The following MAPK10 variants were observed in gnomAD, a reference collection of about 807,000 sequenced individuals.
MAPK10 encodes the protein mitogen-activated protein kinase 10.
Under a neutral mutation model 59.3 loss-of-function variants are expected in MAPK10, and 25 were observed. The observed-to-expected ratio is 0.42, with a 90% CI of 0.31 to 0.59. The LOEUF (loss-of-function observed/expected upper bound fraction) is 0.59, where lower values mean the gene tolerates loss of function less well. Ranked by LOEUF, MAPK10 falls within the 20% of genes least tolerant of loss-of-function variation. The pLI is 0.15. For missense variants in MAPK10, 351 were observed against 568.9 expected (o/e 0.62, Z 3.90); for synonymous variants, 190 against 200.5 (o/e 0.95, Z 0.44).
chr4:86,276,305 T>C (rs1305030698), intron 2 of MAPK10, among the ~76,000 whole-genome samples: 1 of 152,098 alleles, frequency 6.6e-6, no homozygotes, highest in African/African-American at 2.4e-5. Context: ...TCAAATTAAT[T>C]TCACTCTTTT....
At chr4:86,481,572 G>A (rs897885374) in intron 1 of MAPK10, among the ~76,000 whole-genome samples, 1 of 152,014 alleles carries the variant, frequency 6.6e-6, no homozygotes, top group Non-Finnish European at 1.5e-5. Context: ...TCCATTATTT[G>A]AGTGTTGACC....
chr4:86,023,852 A>ATATATAT (rs1560633949), intron 13 of MAPK10: 3 of 98,486 alleles, frequency 3.0e-5, no homozygotes, highest in South Asian at 2.6e-4. Context: ...TATATATATA[A>ATATATAT]AATGAATGTT....
At chr4:86,409,062 T>C (rs1393206768) in intron 1 of MAPK10, among the ~76,000 whole-genome samples, 1 of 152,224 alleles carries the variant, frequency 6.6e-6, no homozygotes, top group African/African-American at 2.4e-5. Context: ...TTAATCCATC[T>C]TGAGTTAATT....
upstream of MAPK10, among the ~76,000 whole-genome samples, chr4:86,456,240 C>T (rs997640458): frequency 6.6e-6 from 1 of 152,010 alleles, no homozygotes; most frequent in African/African-American, 2.4e-5. Context: ...AAGGTCACAC[C>T]TCAAGGAACT....
chr4:86,145,959 T>C (rs933802771), intron 4 of MAPK10, among the ~76,000 whole-genome samples: 3 of 151,714 alleles, frequency 2.0e-5, no homozygotes, highest in African/African-American at 7.3e-5. Context: ...AGAAAAGGAG[T>C]CCGTCTAAGA....
chr4:86,370,691 T>C (rs1339829357), intron 1 of MAPK10: 7 of 152,152 alleles, frequency 4.6e-5, no homozygotes, highest in Admixed American at 3.9e-4. Flanking sequence ...GTAGAAAATA[T>C]GGATCTCAAA....
chr4:86,382,951 A>G (rs1288142767), intron 1 of MAPK10, among the ~76,000 whole-genome samples: 1 of 152,094 alleles, frequency 6.6e-6, no homozygotes, highest in Non-Finnish European at 1.5e-5. Flanking sequence ...ACCTCTCTTT[A>G]TTTTCCTCAT....
chr4:86,238,760 A>AT (rs1197619956), intron 2 of MAPK10, among the ~76,000 whole-genome samples: 1 of 152,070 alleles, frequency 6.6e-6, no homozygotes, highest in East Asian at 1.9e-4. Context: ...AGATGATGGG[A>AT]TTTTCTAAAT....
intron 1 of MAPK10, among the ~76,000 whole-genome samples, chr4:86,400,665 C>A (rs1160800329): frequency 1.3e-5 from 2 of 152,090 alleles, no homozygotes; most frequent in Non-Finnish European, 2.9e-5. Flanking sequence ...TCAAAACAAG[C>A]TTTATAATTC....
chr4:86,022,108 C>CAG (rs1747437748), intron 13 of MAPK10, among the ~76,000 whole-genome samples: 1 of 152,238 alleles, frequency 6.6e-6, no homozygotes, highest in Non-Finnish European at 1.5e-5. Flanking sequence ...AGTAGGAGCC[C>CAG]AGGCAGGGGA....
chr4:86,104,533 C>G (rs1252064682), intron 5 of MAPK10, among the ~76,000 whole-genome samples: 1 of 152,014 alleles, frequency 6.6e-6, no homozygotes, highest in African/African-American at 2.4e-5. Flanking sequence ...AGGACTTTAT[C>G]AATCTCATAA....
intron 1 of MAPK10, among the ~76,000 whole-genome samples, chr4:86,394,678 G>A (rs940876052): frequency 2.6e-5 from 4 of 152,242 alleles, no homozygotes; most frequent in Admixed American, 1.3e-4. Flanking sequence ...AGGGATGTCA[G>A]GGAAAATACC....
At chr4:86,078,425 T>C (rs934347635) in intron 9 of MAPK10, among the ~76,000 whole-genome samples, 2 of 152,094 alleles carry the variant, frequency 1.3e-5, no homozygotes, top group African/African-American at 4.8e-5. Context: ...AGTCTCCTAG[T>C]AGAGGGAGAA....
chr4:86,539,243 G>GA (rs538266356), intron 1 of MAPK10, among the ~76,000 whole-genome samples: 6 of 151,648 alleles, frequency 4.0e-5, no homozygotes, highest in Non-Finnish European at 7.4e-5. Context: ...AGGGCATCCA[G>GA]AAAAAAAAGA....
At chr4:86,167,438 T>G (rs550586867) in intron 3 of MAPK10, among the ~76,000 whole-genome samples, 1 of 152,308 alleles carries the variant, frequency 6.6e-6, no homozygotes, top group South Asian at 2.1e-4. Flanking sequence ...AAGGCCAATA[T>G]TCCTGATGAA....
chr4:86,390,413 G>T (rs954437387), intron 1 of MAPK10, among the ~76,000 whole-genome samples: 21 of 152,180 alleles, frequency 1.4e-4, no homozygotes, highest in African/African-American at 4.8e-4. Context: ...AGAAAGAAGA[G>T]AATTGATGAG....
At chr4:86,444,616 A>G (rs185705166) in intron 1 of MAPK10, among the ~76,000 whole-genome samples, 1 of 152,210 alleles carries the variant, frequency 6.6e-6, no homozygotes, top group African/African-American at 2.4e-5. Context: ...AGAAACTATC[A>G]TCAGATCAAA....
Position 86,521,845 on chromosome 4 carries a change from T to A in MAPK10, c.-263+72065A>T, listed in dbSNP as rs183453558. ...TCACCATCCCCCTACCACCACCAAT[T>A]GTGGTCAGGAAAATTTGTGCTCAGT... On this transcript the variant is annotated intron_variant, in intron 1 of 4. Coordinates refer to the MAPK10 transcript ENST00000502302. Among the ~76,000 whole-genome samples the A allele has an allele frequency of 3.9e-5, 6 of 152,216 alleles. No individual in the cohort carries two copies. In the East Asian group the frequency reaches 1.2e-3, roughly 29 times the overall value.
At chr4:86,230,936 G>C (rs2091443857) in intron 2 of MAPK10, among the ~76,000 whole-genome samples, 2 of 152,132 alleles carry the variant, frequency 1.3e-5, no homozygotes, top group Non-Finnish European at 2.9e-5. Context: ...GCTCTGGGAA[G>C]AATGGTCTAA....
Sources: allele counts gnomAD v4.1 joint callset (sites outside exome capture counted in the v4.1 genomes callset), GRCh38; gene constraint gnomAD v4.1.1; transcripts MANE v1.5; gene names NCBI Gene and HGNC (gene_info 2026-07-23, HGNC 2026-07-21).